Variants in ZBTB16 observed in about 807,000 individuals in gnomAD.
ZBTB16 encodes the protein zinc finger and BTB domain containing 16.
In ZBTB16, 8 loss-of-function variants were observed where a neutral mutation model predicts 56.8. That is an observed-to-expected ratio of 0.14 (90% CI 0.08 to 0.25). ZBTB16 has a LOEUF of 0.25. Ranked by LOEUF, ZBTB16 falls within the 10% of genes least tolerant of loss-of-function variation. ZBTB16 has a pLI of 1.00. For missense variants in ZBTB16, 625 were observed against 903.0 expected, an observed-to-expected ratio of 0.69 and a Z score of 3.95; for synonymous variants, 363 against 368.5, an observed-to-expected ratio of 0.98 and a Z score of 0.17.
At chr11:114,234,838 G>A (rs920819439) in intron 4 of ZBTB16, among the ~76,000 whole-genome samples, 8 of 152,184 alleles carry the variant, frequency 5.3e-5, no homozygotes, top group Admixed American at 4.6e-4. Context: ...CTCTCTTGCC[G>A]AGTGGATGGT....
intron 5 of ZBTB16, among the ~76,000 whole-genome samples, chr11:114,242,545 C>T (rs750254738): frequency 3.9e-5 from 6 of 152,192 alleles, no homozygotes; most frequent in African/African-American, 9.7e-5. Context: ...AAAGTCTTTC[C>T]GTGTTCAACA....
At chr11:114,161,610 A>G (rs577125140) in intron 3 of ZBTB16, among the ~76,000 whole-genome samples, 2 of 152,284 alleles carry the variant, frequency 1.3e-5, no homozygotes, top group Admixed American at 6.5e-5. Flanking sequence ...GAAGCCACCT[A>G]TGGAAGTGGG....
intron 2 of ZBTB16, among the ~76,000 whole-genome samples, chr11:114,145,972 A>G (rs1301547118): frequency 6.6e-6 from 1 of 152,228 alleles, no homozygotes; most frequent in Non-Finnish European, 1.5e-5. Flanking sequence ...ATTGTGTTAA[A>G]TGTTATAAAG....
chr11:114,163,194 G>T (rs1187575633), intron 3 of ZBTB16, among the ~76,000 whole-genome samples: 1 of 88,794 alleles, frequency 1.1e-5, no homozygotes, highest in Admixed American at 1.2e-4. Flanking sequence ...CCCGTCCTCA[G>T]TCCCCCCCCA....
chr11:114,139,813 ATC>A (rs1206087809), intron 2 of ZBTB16, among the ~76,000 whole-genome samples: 11 of 152,112 alleles, frequency 7.2e-5, no homozygotes, highest in Non-Finnish European at 1.5e-4. Context: ...CACGCAAAGA[ATC>A]TGTTTCTCTG....
chr11:114,187,079 T>C (rs1943377612), intron 4 of ZBTB16, 41 bp downstream of exon 4: 1 of 1,594,888 alleles, frequency 6.3e-7, no homozygotes, highest in Non-Finnish European at 8.6e-7. Flanking sequence ...TTTTCCACAG[T>C]GTTGGTAGCA....
intron 2 of ZBTB16, among the ~76,000 whole-genome samples, chr11:114,144,860 T>C (rs1473230446): frequency 2.0e-5 from 3 of 152,240 alleles, no homozygotes; most frequent in Non-Finnish European, 4.4e-5. Flanking sequence ...CTAAATCTGT[T>C]CAAGGAAGGT....
In ZBTB16 at chr11:114,165,436, C is replaced by G. The variant is rs138133280; in HGVS notation, c.1366+9002C>G. 3.4e-3 allele frequency among the ~76,000 whole-genome samples: 518 copies of G among 152,332 alleles called. 2 individuals carry two copies. Among genetic ancestry groups the G allele is most frequent in the African/African-American group, 0.012 (483 of 41,558 alleles). ...TGTGCTCTCCTGGGCCAGTACTGTG[C>G]ACCTGAGTGCAGGACTCAGCAGCTG... On this transcript the variant is annotated intron_variant, in intron 3 of 6. Transcript: ENST00000335953.
intron 2 of ZBTB16, among the ~76,000 whole-genome samples, chr11:114,141,913 T>C (rs1430326427): frequency 3.9e-5 from 6 of 152,246 alleles, no homozygotes; most frequent in Non-Finnish European, 7.3e-5. Context: ...CTCACATATG[T>C]CTTGTACAGA....
chr11:114,085,564 A>G (rs1426160054), intron 2 of ZBTB16, among the ~76,000 whole-genome samples: 2 of 152,154 alleles, frequency 1.3e-5, no homozygotes, highest in East Asian at 3.9e-4. Flanking sequence ...TAAGTGAGGT[A>G]TGGGGGAGCA....
In ZBTB16 at chr11:114,239,919, T is replaced by A. The variant is rs190104396; in HGVS notation, c.1454-2248T>A. Among the ~76,000 whole-genome samples the A allele has an allele frequency of 2.0e-5, 3 of 152,318 alleles. No homozygotes were observed. The East Asian group carries it at 5.8e-4, about 29-fold the overall frequency. On this transcript the variant is annotated intron_variant, in intron 4 of 6. Transcript: ENST00000335953. ...CCCAACTCTGCCTCTTTCTGTGTGA[T>A]CTTAGGCAAGTTATTTAATCTCTCT...
At chr11:114,150,356 T>G (rs951289496) in intron 2 of ZBTB16, among the ~76,000 whole-genome samples, 6 of 152,212 alleles carry the variant, frequency 3.9e-5, no homozygotes, top group Non-Finnish European at 5.9e-5. Context: ...AGAGCTAGTC[T>G]GGGCGTGGTG....
intron 5 of ZBTB16, among the ~76,000 whole-genome samples, chr11:114,244,588 C>T (rs1026029265): frequency 2.6e-5 from 4 of 152,000 alleles, no homozygotes; most frequent in Admixed American, 2.6e-4. Flanking sequence ...ACCGTGCTTC[C>T]AAATCGGGAT....
intron 4 of ZBTB16, chr11:114,187,288 A>T: frequency 1.7e-6 from 1 of 591,234 alleles, no homozygotes; most frequent in Non-Finnish European, 3.1e-6. Flanking sequence ...TCTGTCTCTA[A>T]CCAGCCACTG....
At chr11:114,239,693 G>C (rs1183017973) in intron 4 of ZBTB16, among the ~76,000 whole-genome samples, 1 of 152,194 alleles carries the variant, frequency 6.6e-6, no homozygotes, top group Non-Finnish European at 1.5e-5. Context: ...GCTATGCCTT[G>C]TGACCCAGCC....
At chr11:114,112,273 C>A (rs982568133) in intron 2 of ZBTB16, among the ~76,000 whole-genome samples, 4 of 152,094 alleles carry the variant, frequency 2.6e-5, no homozygotes, top group African/African-American at 9.7e-5. Flanking sequence ...GATTATGGTT[C>A]CTTTCATCAC....
At chr11:114,233,075 GCGCGCGCACACACACACACA>G (rs1334783418) in intron 4 of ZBTB16, among the ~76,000 whole-genome samples, 1 of 35,694 alleles carries the variant, frequency 2.8e-5, no homozygotes, top group African/African-American at 9.0e-5. Flanking sequence ...ATGCGCGCGC[GCGCGCGCACACACACACACA>G]CACACACACA....
chr11:114,235,629 C>CCTTCCTTCCTTCCTTTCTTTCTTTCTTT (rs767837990), intron 4 of ZBTB16, among the ~76,000 whole-genome samples: 9 of 97,854 alleles, frequency 9.2e-5, no homozygotes, highest in African/African-American at 2.9e-4. Context: ...CCTCTCCCTT[C>CCTTCCTTCCTTCCTTTCTTTCTTTCTTT]CTTTCTTTCT....
chr11:114,137,774 C>T (rs918476115), intron 2 of ZBTB16, among the ~76,000 whole-genome samples: 1 of 152,130 alleles, frequency 6.6e-6, no homozygotes, highest in Non-Finnish European at 1.5e-5. Context: ...TGTAGCAAGG[C>T]AATGGAGAAA....
Sources: allele counts gnomAD v4.1 joint callset (sites outside exome capture counted in the v4.1 genomes callset), GRCh38; gene constraint gnomAD v4.1.1; transcripts MANE v1.5; gene names NCBI Gene and HGNC (gene_info 2026-07-23, HGNC 2026-07-21).